ELF1: variants seen among roughly 807,000 people sequenced by gnomAD.
ELF1 encodes E74 like ETS transcription factor 1.
ELF1 carries 24 observed loss-of-function variants against 59.9 expected under a neutral mutation model. That is an observed-to-expected ratio of 0.40 (90% CI 0.29 to 0.56). The LOEUF is 0.56. Among genes scored for constraint, ELF1 ranks in the 20% least tolerant of loss-of-function variants. The probability of loss-of-function intolerance (pLI) is 0.44; values close to 1 mark genes in which losing one functional copy is unlikely to be tolerated. For missense variants in ELF1, 627 were observed against 742.2 expected, an observed-to-expected ratio of 0.84 and a Z score of 1.80; for synonymous variants, 248 against 266.2, an observed-to-expected ratio of 0.93 and a Z score of 0.67.
chr13:40,985,968 C>A (rs1288407835), intron 1 of ELF1, among the ~76,000 whole-genome samples: 1 of 152,068 alleles, frequency 6.6e-6, no homozygotes, highest in Non-Finnish European at 1.5e-5. Flanking sequence ...AAGCGGTCAA[C>A]TTATTTGCAC....
chr13:41,010,601 A>G (rs1875009016), intron 1 of ELF1, among the ~76,000 whole-genome samples: 1 of 152,092 alleles, frequency 6.6e-6, no homozygotes, highest in Non-Finnish European at 1.5e-5. Flanking sequence ...ATTATAATAC[A>G]TTTTAAATGG....
chr13:40,992,947 T>C, intron 1 of ELF1: 1 of 810,130 alleles, frequency 1.2e-6, no homozygotes, highest in Non-Finnish European at 2.1e-6. Context: ...CTCTTTTCTT[T>C]GATTACTTTT....
At chr13:41,025,920 C>T (rs1419599198) in intron 1 of ELF1, among the ~76,000 whole-genome samples, 1 of 152,170 alleles carries the variant, frequency 6.6e-6, no homozygotes, top group Non-Finnish European at 1.5e-5. Flanking sequence ...CTTTTTCCCC[C>T]ATACCTGTCC....
chr13:41,024,723 G>A (rs572948960), intron 1 of ELF1, among the ~76,000 whole-genome samples: 1 of 152,150 alleles, frequency 6.6e-6, no homozygotes, highest in South Asian at 2.1e-4. Flanking sequence ...TGTAGTTACT[G>A]CTCTTCACAC....
At chr13:40,997,998 A>AC (rs1874212655) in intron 1 of ELF1, among the ~76,000 whole-genome samples, 1 of 152,026 alleles carries the variant, frequency 6.6e-6, no homozygotes, top group African/African-American at 2.4e-5. Flanking sequence ...AAAAATAAAA[A>AC]AATTCGCTGG....
At chr13:41,060,200 G>A (rs887221895) in intron 1 of ELF1, among the ~76,000 whole-genome samples, 7 of 152,186 alleles carry the variant, frequency 4.6e-5, no homozygotes, top group African/African-American at 7.2e-5. Flanking sequence ...GCGTCCCCCC[G>A]GGAGGGCGCG....
chr13:40,983,623 AACACTG>A (rs1873402315), intron 1 of ELF1, among the ~76,000 whole-genome samples: 3 of 152,222 alleles, frequency 2.0e-5, no homozygotes, highest in Admixed American at 1.3e-4. Flanking sequence ...GTTTAACTCC[AACACTG>A]GGAAAGTATT....
intron 1 of ELF1, among the ~76,000 whole-genome samples, chr13:41,060,574 G>A (rs1390849631): frequency 6.6e-6 from 1 of 152,108 alleles, no homozygotes; most frequent in Non-Finnish European, 1.5e-5. Context: ...CGTGGCACTC[G>A]AGGCTCCAAA....
At chr13:41,043,662 T>C (rs1391979443) in intron 1 of ELF1, among the ~76,000 whole-genome samples, 1 of 152,232 alleles carries the variant, frequency 6.6e-6, no homozygotes, top group East Asian at 1.9e-4. Context: ...CATTGGTCTA[T>C]ATCTGTTTTG....
At chr13:41,051,203 G>A (rs759738413) in intron 1 of ELF1, among the ~76,000 whole-genome samples, 115 of 151,974 alleles carry the variant, frequency 7.6e-4, no homozygotes, top group Admixed American at 2.4e-3. Flanking sequence ...CATGTGAAAT[G>A]GCATAAAAAC....
intron 2 of ELF1, among the ~76,000 whole-genome samples, chr13:40,972,352 G>T (rs1016078220): frequency 6.6e-6 from 1 of 152,084 alleles, no homozygotes; most frequent in South Asian, 2.1e-4. Context: ...GCTCCCTTAC[G>T]GCATAAGTCC....
upstream of ELF1, among the ~76,000 whole-genome samples, chr13:41,024,314 G>T (rs565034849): frequency 2.9e-4 from 43 of 148,028 alleles, no homozygotes; most frequent in East Asian, 5.8e-4. Context: ...TGTTTGTTTT[G>T]GGGGGGGTGG....
intron 1 of ELF1, among the ~76,000 whole-genome samples, chr13:40,992,295 T>G (rs1222633487): frequency 6.6e-6 from 1 of 152,224 alleles, no homozygotes; most frequent in Non-Finnish European, 1.5e-5. Context: ...GCTCCCTAAG[T>G]GCATCTGTGA....
chr13:40,933,365 C>A lies in ELF1; in HGVS notation c.*60G>T. The stretch of plus-strand genomic sequence containing the variant: ...AGAATTTATCTTAGAATCAGTCAGT[C>A]TGCATATAATTGAAAATGTTCAATT... On this transcript the variant is annotated 3_prime_UTR_variant, in exon 9 of 9. Transcript: ENST00000239882. 2.6e-6 allele frequency: 4 copies of A among 1,542,288 alleles called. No individual in the cohort carries two copies. The highest frequency in any genetic ancestry group is 3.5e-6 in the Non-Finnish European group (4 of 1,144,810).
rs184596547 is a variant in ELF1, at chr13:41,024,660, A to C, written c.-229+36178T>G. On this transcript the variant is annotated intron_variant, in intron 1 of 1. Transcript: ENST00000405737. ...CCAATGTGCTTGGATTACAGGCATG[A>C]ACAACCACACATGGCCACCATTGCT... Among the ~76,000 whole-genome samples the C allele has an allele frequency of 4.5e-3, 682 of 152,218 alleles. 5 individuals carry two copies. The highest frequency in any genetic ancestry group is 0.016 in the African/African-American group (655 of 41,538).
chr13:40,958,218 A>G (rs1871576222), intron 3 of ELF1, among the ~76,000 whole-genome samples: 1 of 152,220 alleles, frequency 6.6e-6, no homozygotes, highest in African/African-American at 2.4e-5. Flanking sequence ...CAAGTTTAAA[A>G]TATCTTACTA....
At chr13:41,060,868 G>C (rs895096177) in exon 1 of ELF1, 3 of 330,044 alleles carry the variant, frequency 9.1e-6, no homozygotes, top group Non-Finnish European at 1.8e-5. Flanking sequence ...TGCCTCCTTC[G>C]CCGCACCTCT....
rs953021360 is a variant in ELF1 at position 41,030,050 on chromosome 13, CAT to C, written c.-229+30786_-229+30787del. On this transcript the variant is annotated intron_variant, in intron 1 of 1. Transcript: ENST00000405737. ...AGATCATAAACTTGGGAATAATTAC[CAT>C]ATATATATATTTATATTTATATTAC... Among the ~76,000 whole-genome samples the C allele has an allele frequency of 5.3e-5, 8 of 151,166 alleles. No homozygotes were observed. In the South Asian group the frequency reaches 6.3e-4, roughly 12 times the overall value.
intron 1 of ELF1, among the ~76,000 whole-genome samples, chr13:40,991,945 T>A (rs535064656): frequency 1.3e-5 from 2 of 152,320 alleles, no homozygotes; most frequent in Non-Finnish European, 2.9e-5. Context: ...ATTGATATAG[T>A]GTTCCATCTT....
Sources: allele counts gnomAD v4.1 joint callset (sites outside exome capture counted in the v4.1 genomes callset), GRCh38; gene constraint gnomAD v4.1.1; transcripts MANE v1.5; gene names NCBI Gene and HGNC (gene_info 2026-07-23, HGNC 2026-07-21).